KCNG3: variants seen among roughly 807,000 people sequenced by gnomAD.
The protein encoded by KCNG3 is potassium voltage-gated channel modifier subfamily G member 3.
In KCNG3, 15 loss-of-function variants were observed where a neutral mutation model predicts 29.0. That is an observed-to-expected ratio of 0.52 (90% CI 0.35 to 0.80). The LOEUF is 0.80. KCNG3 is among the 30% of genes least tolerant of loss of function. The probability of loss-of-function intolerance (pLI) is 0.01; values close to 1 mark genes in which losing one functional copy is unlikely to be tolerated. For synonymous variants in KCNG3, 322 were observed against 248.9 expected, an observed-to-expected ratio of 1.29 and a Z score of -2.76; for missense variants, 512 against 605.7, an observed-to-expected ratio of 0.85 and a Z score of 1.62.
intron 1 of KCNG3, among the ~76,000 whole-genome samples, chr2:42,492,078 C>T (rs919491164): frequency 6.6e-6 from 1 of 152,248 alleles, no homozygotes; most frequent in Non-Finnish European, 1.5e-5. Flanking sequence ...CCCATTCATC[C>T]TAGTAAAGTA....
At chr2:42,438,522 T>C (rs1350536602), downstream of KCNG3, among the ~76,000 whole-genome samples, 1 of 152,212 alleles carries the variant, frequency 6.6e-6, no homozygotes, top group East Asian at 1.9e-4. Context: ...ATATTTGGTA[T>C]AGTCTTGTTG....
At chr2:42,488,960 T>C (rs549715841) in intron 1 of KCNG3, among the ~76,000 whole-genome samples, 5 of 152,126 alleles carry the variant, frequency 3.3e-5, no homozygotes, top group African/African-American at 1.2e-4. Flanking sequence ...ATTTTTGCGG[T>C]AGTGGAGAAA....
the KCNG3 span, among the ~76,000 whole-genome samples, chr2:42,399,080 A>G: frequency 8.6e-6 from 1 of 116,718 alleles, no homozygotes; most frequent in Non-Finnish European, 1.6e-5. Context: ...TTTTTGAGAC[A>G]GGGTCTCACT....
At chr2:42,491,264 G>T (rs1673868483) in intron 1 of KCNG3, among the ~76,000 whole-genome samples, 3 of 151,410 alleles carry the variant, frequency 2.0e-5, no homozygotes, top group Non-Finnish European at 2.9e-5. Flanking sequence ...TTACATTAAT[G>T]ATCTCCATAT....
At chr2:42,438,299 T>C (rs1672410572), downstream of KCNG3, among the ~76,000 whole-genome samples, 1 of 152,176 alleles carries the variant, frequency 6.6e-6, no homozygotes, top group Admixed American at 6.5e-5. Context: ...CTCCACTCTG[T>C]CATGGGCAGA....
At chr2:42,415,927 G>A in the KCNG3 span, among the ~76,000 whole-genome samples, 1 of 152,194 alleles carries the variant, frequency 6.6e-6, no homozygotes, top group East Asian at 1.9e-4. Flanking sequence ...GGGCGCAGTG[G>A]CTCATGGCTG....
chr2:42,395,660 G>GA, the KCNG3 span, among the ~76,000 whole-genome samples: 1 of 152,120 alleles, frequency 6.6e-6, no homozygotes, highest in African/African-American at 2.4e-5. Flanking sequence ...GTTGTAAATT[G>GA]AAAATACATT....
At chr2:42,476,087 A>C (rs1673417904) in intron 1 of KCNG3, among the ~76,000 whole-genome samples, 1 of 152,204 alleles carries the variant, frequency 6.6e-6, no homozygotes, top group Non-Finnish European at 1.5e-5. Flanking sequence ...ATAATTAATA[A>C]AACATTAAAA....
intron 1 of KCNG3, among the ~76,000 whole-genome samples, chr2:42,471,658 A>T (rs1273038252): frequency 6.6e-6 from 1 of 152,200 alleles, no homozygotes; most frequent in African/African-American, 2.4e-5. Context: ...CTCAATTTTT[A>T]AAAAAGGAAT....
At chr2:42,394,947 G>A in the KCNG3 span, among the ~76,000 whole-genome samples, 15 of 152,272 alleles carry the variant, frequency 9.9e-5, no homozygotes, top group Admixed American at 3.9e-4. Context: ...GTGTAGTACT[G>A]AGCAATTCAT....
chr2:42,483,914 C>A (rs1422264395), intron 1 of KCNG3, among the ~76,000 whole-genome samples: 1 of 152,130 alleles, frequency 6.6e-6, no homozygotes, highest in African/African-American at 2.4e-5. Flanking sequence ...ACCTCAGACT[C>A]CTGAGTACCT....
At chr2:42,466,203 C>T (rs181203748) in intron 1 of KCNG3, among the ~76,000 whole-genome samples, 2 of 152,094 alleles carry the variant, frequency 1.3e-5, no homozygotes, top group Middle Eastern at 3.2e-3. Flanking sequence ...GTCAGGAGTT[C>T]GAGACCAGCC....
At chr2:42,418,630 G>A in the KCNG3 span, among the ~76,000 whole-genome samples, 1 of 152,166 alleles carries the variant, frequency 6.6e-6, no homozygotes, top group South Asian at 2.1e-4. Flanking sequence ...GCTCAAGAGA[G>A]ATAATGAATC....
intron 1 of KCNG3, chr2:42,469,996 A>G: frequency 2.0e-6 from 1 of 502,602 alleles, no homozygotes; most frequent in East Asian, 3.6e-5. Context: ...GTGTTGCACA[A>G]GTACGTTTTG....
chr2:42,403,764 CTAA>C, the KCNG3 span, among the ~76,000 whole-genome samples: 2 of 151,550 alleles, frequency 1.3e-5, no homozygotes, highest in Admixed American at 1.3e-4. Context: ...CGTGCCTGGC[CTAA>C]TTTTTTAGTT....
chr2:42,458,394 C>G lies in KCNG3; in HGVS notation c.666-13815G>C, dbSNP rs1310106056. On this transcript the variant is annotated intron_variant, in intron 1 of 1. Coordinates refer to ENST00000306078, the MANE Select transcript of KCNG3 (RefSeq NM_133329.6). Reference sequence around the variant, plus strand: ...ACACAGTTTACCCTCTGTGGTTCCTCTGTCCTCTGTTTTGGCAACAGAGGT... The same window carrying G: ...ACACAGTTTACCCTCTGTGGTTCCTGTGTCCTCTGTTTTGGCAACAGAGGT... Among the ~76,000 whole-genome samples the G allele has an allele frequency of 2.6e-5, 4 of 152,208 alleles. No individual in the cohort carries two copies. The East Asian group carries it at 7.7e-4, about 29-fold the overall frequency.
the KCNG3 span, among the ~76,000 whole-genome samples, chr2:42,391,108 T>C: frequency 7.9e-5 from 12 of 152,354 alleles, 1 homozygote; most frequent in South Asian, 2.3e-3. Context: ...GATGTGGCTC[T>C]GCAGGCCAGA....
At chr2:42,392,426 C>T in the KCNG3 span, among the ~76,000 whole-genome samples, 5 of 152,222 alleles carry the variant, frequency 3.3e-5, no homozygotes, top group African/African-American at 1.2e-4. Flanking sequence ...GGATGGGTGT[C>T]CCCCACCTGC....
intron 1 of KCNG3, among the ~76,000 whole-genome samples, chr2:42,492,297 T>C (rs1673900175): frequency 6.6e-6 from 1 of 152,202 alleles, no homozygotes; most frequent in Non-Finnish European, 1.5e-5. Context: ...ACATCCATTA[T>C]TTAGAGTCTA....
Sources: allele counts gnomAD v4.1 joint callset (sites outside exome capture counted in the v4.1 genomes callset), GRCh38; gene constraint gnomAD v4.1.1; transcripts MANE v1.5; gene names NCBI Gene and HGNC (gene_info 2026-07-23, HGNC 2026-07-21).